METTL15: variants seen among roughly 807,000 people sequenced by gnomAD.
METTL15 encodes the protein methyltransferase 15, mitochondrial 12S rRNA N4-cytidine.
METTL15 carries 34 observed loss-of-function variants against 38.3 expected under a neutral mutation model. The ratio of observed to expected loss-of-function variants is 0.89; its 90% CI spans 0.68 to 1.18. The LOEUF (loss-of-function observed/expected upper bound fraction) is 1.18. Ranked by LOEUF, METTL15 falls within the 50% of genes most tolerant of loss-of-function variation. The probability of loss-of-function intolerance (pLI) is 0.00; values close to 1 mark genes in which losing one functional copy is unlikely to be tolerated. For missense variants in METTL15, 438 were observed against 498.4 expected, an observed-to-expected ratio of 0.88 and a Z score of 1.15; for synonymous variants, 162 against 170.9, an observed-to-expected ratio of 0.95 and a Z score of 0.41.
rs141236970 is a variant in METTL15 at position 28,328,109 on chromosome 11, T to C, written c.779-2287T>C. 4 of 1,611,576 alleles carry C rather than the reference T, an allele frequency of 2.5e-6. No individual in the cohort carries two copies. The African/African-American group carries it at 5.3e-5, about 22-fold the overall frequency. ...CATATTCTTAGAATACTCTGAAACA[T>C]ATTTCCCAGTGGCCCAAACTCTTTA... is the stretch of plus-strand genomic sequence containing the variant. On this transcript the variant is annotated intron_variant, in intron 6 of 6. Coordinates refer to ENST00000407364, the MANE Select transcript of METTL15 (RefSeq NM_001113528.2).
At chr11:28,261,022 G>T (rs73438504) in intron 4 of METTL15, among the ~76,000 whole-genome samples, 354 of 152,214 alleles carry the variant, frequency 2.3e-3, no homozygotes, top group African/African-American at 8.0e-3. Flanking sequence ...GGAACCAGGG[G>T]TGGTAATATA....
intron 3 of METTL15, among the ~76,000 whole-genome samples, chr11:28,204,516 C>A (rs1023564207): frequency 7.5e-6 from 1 of 134,174 alleles, no homozygotes; most frequent in Admixed American, 9.2e-5. Context: ...ATTTGTTAGA[C>A]CAAGTAGGAA....
At chr11:28,504,914 G>C (rs1851615210) in intron 6 of METTL15, among the ~76,000 whole-genome samples, 1 of 152,168 alleles carries the variant, frequency 6.6e-6, no homozygotes, top group African/African-American at 2.4e-5. Context: ...GGGGAGCCTT[G>C]CTTAGGAGGC....
intron 5 of METTL15, among the ~76,000 whole-genome samples, chr11:28,377,894 G>C (rs1425880471): frequency 6.6e-6 from 1 of 152,034 alleles, no homozygotes; most frequent in Non-Finnish European, 1.5e-5. Context: ...CTCAGCTGCA[G>C]GTCTGTTGGA....
At chr11:28,287,373 T>C in intron 4 of METTL15, 1 of 335,604 alleles carries the variant, frequency 3.0e-6, no homozygotes, top group Non-Finnish European at 5.8e-6. Context: ...TTTTTCTAGA[T>C]CTTTGAGTTG....
At chr11:28,508,010 A>G (rs1851643899) in intron 6 of METTL15, among the ~76,000 whole-genome samples, 1 of 152,192 alleles carries the variant, frequency 6.6e-6, no homozygotes, top group African/African-American at 2.4e-5. Flanking sequence ...AATCCTCATC[A>G]TGTCCCCTAA....
intron 2 of METTL15, among the ~76,000 whole-genome samples, chr11:28,111,264 TTTTG>T (rs1473755494): frequency 1.3e-5 from 2 of 152,182 alleles, no homozygotes; most frequent in East Asian, 1.9e-4. Flanking sequence ...TGATAGCGTT[TTTTG>T]TTTGTTTTTC....
At chr11:28,346,871 G>A (rs1351378225) in intron 3 of METTL15, among the ~76,000 whole-genome samples, 1 of 152,032 alleles carries the variant, frequency 6.6e-6, no homozygotes, top group Non-Finnish European at 1.5e-5. Flanking sequence ...GCCTCCACAG[G>A]TGCACCAAAG....
downstream of METTL15, among the ~76,000 whole-genome samples, chr11:28,530,777 C>G (rs1329091472): frequency 6.6e-6 from 1 of 151,774 alleles, no homozygotes; most frequent in South Asian, 2.1e-4. Flanking sequence ...AAGAAAAACT[C>G]AAAAGTTATT....
intron 3 of METTL15, among the ~76,000 whole-genome samples, chr11:28,183,749 G>A (rs976033918): frequency 6.6e-6 from 1 of 151,992 alleles, no homozygotes; most frequent in Non-Finnish European, 1.5e-5. Context: ...CCAGGTTTTG[G>A]TATCAGGATG....
At chr11:28,395,027 A>G (rs1052636219) in intron 5 of METTL15, among the ~76,000 whole-genome samples, 3 of 152,150 alleles carry the variant, frequency 2.0e-5, no homozygotes, top group African/African-American at 7.2e-5. Flanking sequence ...GTAAGTAATC[A>G]GCCATAATTA....
chr11:28,506,892 G>A (rs113158474), intron 6 of METTL15, among the ~76,000 whole-genome samples: 8 of 151,850 alleles, frequency 5.3e-5, no homozygotes, highest in East Asian at 3.9e-4. Flanking sequence ...CTACAGGCAT[G>A]TGCCACCATG....
chr11:28,333,503 ATC>A (rs1460806981), exon 7 of METTL15: 1 of 152,146 alleles, frequency 6.6e-6, no homozygotes, highest in African/African-American at 2.4e-5. Context: ...ATGTTTCTGA[ATC>A]TCTGTCTTGA....
intron 3 of METTL15, among the ~76,000 whole-genome samples, chr11:28,126,780 T>C (rs1852507370): frequency 6.6e-6 from 1 of 152,056 alleles, no homozygotes; most frequent in Non-Finnish European, 1.5e-5. Context: ...AGCTTACAAT[T>C]TAGTGGTTGA....
At chr11:28,383,836 A>T (rs748463466) in intron 5 of METTL15, among the ~76,000 whole-genome samples, 1 of 152,088 alleles carries the variant, frequency 6.6e-6, no homozygotes, top group Non-Finnish European at 1.5e-5. Flanking sequence ...TTTTAAGTTC[A>T]GGGATGCACA....
chr11:28,399,122 C>G (rs946919395), intron 5 of METTL15: 22 of 152,106 alleles, frequency 1.4e-4, no homozygotes, highest in Admixed American at 4.6e-4. Context: ...TGAAACAGAA[C>G]AGAGGCCTCA....
intron 6 of METTL15, among the ~76,000 whole-genome samples, chr11:28,504,945 T>A (rs1851615591): frequency 6.6e-6 from 1 of 152,162 alleles, no homozygotes; most frequent in South Asian, 2.1e-4. Context: ...TGCCCTTCAG[T>A]TCAGTTTATG....
chr11:28,296,997 G>A, intron 6 of METTL15, 66 bp downstream of exon 6: 1 of 1,525,418 alleles, frequency 6.6e-7, no homozygotes, highest in Non-Finnish European at 9.1e-7. Context: ...GCATGTGTTT[G>A]TGTGCATGCA....
At chr11:28,460,546 T>G (rs953234930) in intron 6 of METTL15, among the ~76,000 whole-genome samples, 6 of 152,134 alleles carry the variant, frequency 3.9e-5, no homozygotes, top group Admixed American at 2.0e-4. Context: ...CAACCTTCTG[T>G]GGCTTTATTT....
Sources: gnomAD v4.1 joint callset for allele counts (sites outside exome capture counted in the v4.1 genomes callset) on GRCh38, gnomAD v4.1.1 for gene constraint, MANE v1.5 for transcripts, NCBI Gene and HGNC (gene_info 2026-07-23, HGNC 2026-07-21) for gene names.